RYR2: variants seen among roughly 807,000 people sequenced by gnomAD.
RYR2 encodes the protein cardiac muscle ryanodine receptor-calcium release channel.
A neutral mutation model predicts 601.1 loss-of-function variants in RYR2; 227 were observed. The ratio of observed to expected loss-of-function variants is 0.38; its 90% CI spans 0.34 to 0.42. The LOEUF is 0.42. Ranked by LOEUF, RYR2 falls within the 10% of genes least tolerant of loss-of-function variation. The probability of loss-of-function intolerance (pLI) is 1.00; values close to 1 mark genes in which losing one functional copy is unlikely to be tolerated. For synonymous variants in RYR2, 2,223 were observed against 2,175.1 expected, an observed-to-expected ratio of 1.02 and a Z score of -0.61; for missense variants, 4,646 against 6,156.5, an observed-to-expected ratio of 0.75 and a Z score of 8.21.
At chr1:237,565,194 TC>T (rs1393726132) in intron 27 of RYR2, among the ~76,000 whole-genome samples, 11 of 87,854 alleles carry the variant, frequency 1.3e-4, no homozygotes, top group African/African-American at 4.0e-4. Context: ...TTTCTTTCTT[TC>T]TTTCTTTCTT....
intron 1 of RYR2, among the ~76,000 whole-genome samples, chr1:237,224,126 A>G (rs183377837): frequency 6.6e-6 from 1 of 152,024 alleles, no homozygotes; most frequent in Admixed American, 6.6e-5. Flanking sequence ...GTATGTTTGA[A>G]CTCCTTGGGT....
intron 2 of RYR2, among the ~76,000 whole-genome samples, chr1:237,273,208 A>T (rs930576431): frequency 7.2e-5 from 11 of 152,162 alleles, no homozygotes; most frequent in African/African-American, 2.6e-4. Context: ...CAGGCATTAG[A>T]TTCTCATAAG....
chr1:237,348,706 G>T (rs537389797), intron 3 of RYR2, among the ~76,000 whole-genome samples: 16 of 152,196 alleles, frequency 1.1e-4, no homozygotes, highest in African/African-American at 3.6e-4. Context: ...GTGTTATTAG[G>T]CATGTAAGGA....
At chr1:237,504,679 T>G (rs977418851) in intron 22 of RYR2, among the ~76,000 whole-genome samples, 3 of 152,194 alleles carry the variant, frequency 2.0e-5, no homozygotes, top group African/African-American at 7.2e-5. Context: ...ATAATAGTGT[T>G]AAGATGATTT....
intron 2 of RYR2, among the ~76,000 whole-genome samples, chr1:237,328,242 A>T (rs1405683452): frequency 1.3e-5 from 2 of 152,200 alleles, no homozygotes; most frequent in Non-Finnish European, 2.9e-5. Context: ...TTTTAAATGG[A>T]TATAAATGAA....
At chr1:237,067,787 T>C (rs1663832673) in intron 1 of RYR2, among the ~76,000 whole-genome samples, 1 of 152,218 alleles carries the variant, frequency 6.6e-6, no homozygotes, top group Admixed American at 6.5e-5. Flanking sequence ...TACTGTAACA[T>C]TGTGGAAGAG....
intron 17 of RYR2, among the ~76,000 whole-genome samples, chr1:237,483,441 C>T (rs1436323376): frequency 6.6e-6 from 1 of 152,152 alleles, no homozygotes; most frequent in Non-Finnish European, 1.5e-5. Context: ...TAGAGGTGGA[C>T]ACTGGAGCAC....
At chr1:237,390,660 A>T (rs905619222) in intron 10 of RYR2, among the ~76,000 whole-genome samples, 1 of 152,194 alleles carries the variant, frequency 6.6e-6, no homozygotes, top group African/African-American at 2.4e-5. Context: ...TGGATCCAAG[A>T]GGATCCTTTC....
Position 237,590,751 on chromosome 1 carries a change from C to A in RYR2, c.3919C>A (p.Pro1307Thr), listed in dbSNP as rs866710063. ...TDIMFYRLSM[P>T]IECAEVFSKT... is the part of the protein sequence containing the mutation. ...TATCATGTTTTATCGCCTGAGCATG[C>A]CGATCGAGTGCGCGGAGGTCTTCTC... Residue 1307 changes from proline to threonine, a missense_variant, in exon 31 of 105, where the codon CCG (proline) becomes ACG (threonine). This residue lies in a region of RYR2 where 1,807 missense variants were observed against 2,088.1 expected (regional missense o/e 0.87). Transcript: ENST00000366574. 6.2e-7 allele frequency: 1 copy of A among 1,613,494 alleles called. No individual in the cohort carries two copies. Among genetic ancestry groups the A allele is most frequent in the Non-Finnish European group, 8.5e-7 (1 of 1,179,676 alleles).
At chr1:237,376,722 CT>C (rs1364654369) in intron 7 of RYR2, among the ~76,000 whole-genome samples, 1 of 152,046 alleles carries the variant, frequency 6.6e-6, no homozygotes, top group East Asian at 1.9e-4. Flanking sequence ...AAACCAAGAT[CT>C]TTTATAATTC....
chr1:237,733,892 C>T (rs967226608), intron 79 of RYR2, 136 bp downstream of exon 79: 2 of 674,516 alleles, frequency 3.0e-6, no homozygotes, highest in South Asian at 1.7e-5. Flanking sequence ...TTCTAAATTC[C>T]ATGGCAGGTC....
intron 17 of RYR2, among the ~76,000 whole-genome samples, chr1:237,482,491 T>C (rs986267047): frequency 1.3e-5 from 2 of 151,672 alleles, no homozygotes; most frequent in African/African-American, 2.4e-5. Flanking sequence ...TTCACTTACA[T>C]ACTCATCTCC....
chr1:237,806,872 C>A (rs1026002581), intron 99 of RYR2, among the ~76,000 whole-genome samples: 7 of 152,188 alleles, frequency 4.6e-5, no homozygotes, highest in Non-Finnish European at 1.0e-4. Flanking sequence ...GGAACCTGTT[C>A]TTAATGTTAA....
chr1:237,428,353 T>A (rs963110021), intron 12 of RYR2, among the ~76,000 whole-genome samples: 10 of 152,224 alleles, frequency 6.6e-5, no homozygotes, highest in African/African-American at 2.4e-4. Flanking sequence ...TAAACCCAAA[T>A]GCCCATCAAT....
At chr1:237,523,731 T>C (rs2779353) in intron 24 of RYR2, among the ~76,000 whole-genome samples, 74,761 of 149,758 alleles carry the variant, frequency 0.5, 18,868 homozygotes, top group East Asian at 0.58. Flanking sequence ...AGCAAGATTC[T>C]GTCTCAAAAA....
At chr1:237,541,265 C>T (rs533648277) in intron 25 of RYR2, among the ~76,000 whole-genome samples, 13 of 152,140 alleles carry the variant, frequency 8.5e-5, no homozygotes, top group Non-Finnish European at 1.8e-4. Flanking sequence ...ATCCAATGAG[C>T]CTTGTAGCCA....
At chr1:237,743,984 A>G in intron 80 of RYR2, among the ~76,000 whole-genome samples, 1 of 152,164 alleles carries the variant, frequency 6.6e-6, no homozygotes, top group Non-Finnish European at 1.5e-5. Context: ...TTTCAACACC[A>G]GTTTTATTAC....
At chr1:237,085,191 G>GATCTCC (rs951291974) in intron 1 of RYR2, among the ~76,000 whole-genome samples, 4 of 152,124 alleles carry the variant, frequency 2.6e-5, no homozygotes, top group African/African-American at 9.7e-5. Flanking sequence ...ATTTAAAATT[G>GATCTCC]ATCTCCAGGG....
At chr1:237,767,358 T>A (rs1693924626) in intron 84 of RYR2, among the ~76,000 whole-genome samples, 1 of 152,206 alleles carries the variant, frequency 6.6e-6, no homozygotes, top group Non-Finnish European at 1.5e-5. Flanking sequence ...ACTGAAATTA[T>A]CTGTTTATTT....
Sources: allele counts gnomAD v4.1 joint callset (sites outside exome capture counted in the v4.1 genomes callset), GRCh38; gene constraint gnomAD v4.1.1; regional missense constraint gnomAD v4.1.1; transcripts MANE v1.5; gene names NCBI Gene and HGNC (gene_info 2026-07-23, HGNC 2026-07-21).